The following SEL1L3 variants were observed in gnomAD, a reference collection of about 807,000 sequenced individuals.
SEL1L3 encodes protein sel-1 homolog 3.
SEL1L3 carries 76 observed loss-of-function variants against 142.8 expected under a neutral mutation model. That is an observed-to-expected ratio of 0.53 (90% CI 0.44 to 0.64). The LOEUF is 0.64. Among genes scored for constraint, SEL1L3 ranks in the 30% least tolerant of loss-of-function variants. SEL1L3 has a pLI of 0.00. For missense variants in SEL1L3, 1,262 were observed against 1,381.7 expected (o/e 0.91, Z 1.37); for synonymous variants, 504 against 519.6 (o/e 0.97, Z 0.41).
At chr4:25,809,022 G>A (rs62409278) in intron 9 of SEL1L3, among the ~76,000 whole-genome samples, 41,857 of 141,534 alleles carry the variant, frequency 0.3, 6,388 homozygotes, top group Admixed American at 0.34. Flanking sequence ...GCAGTGAGCC[G>A]AGATCGCGCC....
At chr4:25,806,097 G>A (rs2109228050) in intron 9 of SEL1L3, among the ~76,000 whole-genome samples, 1 of 145,778 alleles carries the variant, frequency 6.9e-6, no homozygotes, top group East Asian at 2.0e-4. Flanking sequence ...GGAGTGCAGT[G>A]GCGCGATCTC....
rs764659318 is a variant in SEL1L3, at chr4:25,822,100, T to G, written c.1186A>C (p.Thr396Pro). 3 of 1,613,444 alleles carry G rather than the reference T, an allele frequency of 1.9e-6. No homozygotes were observed. Among genetic ancestry groups the G allele is most frequent in the African/African-American group, 1.3e-5 (1 of 74,864 alleles). Residue 396 changes from threonine (T) to proline (P), a missense_variant, in exon 7 of 24, where the codon ACA becomes CCA. By Grantham distance (38) the Thr-to-Pro change is conservative. Around this residue, in one of 3 missense-constraint regions of SEL1L3, gnomAD observed 689 missense variants for 692.8 expected, o/e 0.99. Transcript: ENST00000399878. ...SFREDFHYNDTAGYFIIGGSR... is the reference protein window; with the variant it reads ...SFREDFHYNDPAGYFIIGGSR... ...CCTCCAATAATGAAGTACCCAGCTGTGTCATTATAATGGAAATCCTCCCGG... is the reference window on the plus strand; with the variant it reads ...CCTCCAATAATGAAGTACCCAGCTGGGTCATTATAATGGAAATCCTCCCGG...
chr4:25,784,197 C>G, intron 14 of SEL1L3, 31 bp downstream of exon 14: 1 of 1,554,546 alleles, frequency 6.4e-7, no homozygotes, highest in Non-Finnish European at 8.9e-7. Flanking sequence ...TGTGGTGGAA[C>G]TGTTTCCCTC....
At chr4:25,850,415 C>T (rs148757931) in intron 1 of SEL1L3, among the ~76,000 whole-genome samples, 1 of 152,208 alleles carries the variant, frequency 6.6e-6, no homozygotes, top group African/African-American at 2.4e-5. Context: ...ACTAGATTTG[C>T]AAAGATCAAA....
the SEL1L3 span, among the ~76,000 whole-genome samples, chr4:25,727,798 G>A: frequency 1.3e-5 from 2 of 152,166 alleles, no homozygotes; most frequent in South Asian, 4.1e-4. Context: ...TCCCAGGATG[G>A]GAGGCCAGAG....
In SEL1L3 at chr4:25,835,599, A is replaced by G. The variant is rs974657277; in HGVS notation, c.734-276T>C. On this transcript the variant is annotated intron_variant, in intron 2 of 23. Transcript: ENST00000399878. ...GCCCGAGGCTAAGTTCACAAAGTTA[A>G]TAAGTGATAGAACCACAATTCAGGT... Among the ~76,000 whole-genome samples, 8 of 152,258 alleles carry G rather than the reference A, an allele frequency of 5.3e-5. No individual in the cohort carries two copies. The East Asian group carries it at 7.7e-4, about 15-fold the overall frequency.
At chr4:25,814,940 C>G (rs1714287395) in intron 9 of SEL1L3, among the ~76,000 whole-genome samples, 1 of 152,054 alleles carries the variant, frequency 6.6e-6, no homozygotes, top group African/African-American at 2.4e-5. Flanking sequence ...AGTGTATGCC[C>G]CACCTCTGCA....
intron 5 of SEL1L3, among the ~76,000 whole-genome samples, chr4:25,830,828 C>A (rs950050351): frequency 6.6e-6 from 1 of 152,208 alleles, no homozygotes. Context: ...CCACCAGAAA[C>A]CAACCCAATT....
chr4:25,737,857 CA>C, the SEL1L3 span, among the ~76,000 whole-genome samples: 1 of 151,538 alleles, frequency 6.6e-6, no homozygotes, highest in African/African-American at 2.4e-5. Context: ...AAATAATGAT[CA>C]AAATAAGTTC....
rs58435041 is a variant in SEL1L3 at position 25,788,569 on chromosome 4, CGTGTGTGTGTGTGT to C, written c.2077-219_2077-206del. ...CCCTTAATGCAAGCCAGAAATGGTTCGTGTGTGTGTGTGTGTGTGTGTGTGTGTGTGTGTGTGTG... is the reference window on the plus strand; with the variant it reads ...CCCTTAATGCAAGCCAGAAATGGTTCGTGTGTGTGTGTGTGTGTGTGTGTG... On this transcript the variant is annotated intron_variant, in intron 12 of 23. Transcript: ENST00000399878. The surrounding 1 kb of genome is among the most constrained non-coding windows in gnomAD (Gnocchi z 5.3). Among the ~76,000 whole-genome samples the C allele has an allele frequency of 7.5e-4, 105 of 140,060 alleles. 1 individual carries two copies. In the Middle Eastern group the frequency reaches 0.014, roughly 19 times the overall value. The allele number at this position is 140,060 out of a possible 152,430, so 91.9% of individuals were successfully genotyped here. A position where few individuals can be genotyped will look rare whatever the true frequency, so the allele number is the denominator to read the frequency against.
At position 25,826,738 on chromosome 4, in the gene SEL1L3, G is replaced by A. The variant is rs537369344; in HGVS notation, c.1157+3360C>T. Reference sequence around the variant, plus strand: ...AGGGTCTCGCTCTGTCGCCCCGGCTGGAGTACAGTGGCACAATCTTGGCTC... The same window carrying A: ...AGGGTCTCGCTCTGTCGCCCCGGCTAGAGTACAGTGGCACAATCTTGGCTC... On this transcript the variant is annotated intron_variant, in intron 6 of 23. Coordinates refer to ENST00000399878, the MANE Select transcript of SEL1L3 (RefSeq NM_015187.5). Among the ~76,000 whole-genome samples the A allele has an allele frequency of 2.0e-5, 3 of 152,252 alleles. No homozygotes were observed. The South Asian group carries it at 6.2e-4, about 32-fold the overall frequency.
intron 6 of SEL1L3, among the ~76,000 whole-genome samples, chr4:25,822,344 C>A (rs188544166): frequency 2.0e-5 from 3 of 152,268 alleles, no homozygotes; most frequent in African/African-American, 7.2e-5. Flanking sequence ...AGTCACTTAA[C>A]CTCCTCTCCA....
intron 17 of SEL1L3, among the ~76,000 whole-genome samples, chr4:25,774,294 T>C (rs952727204): frequency 4.6e-5 from 7 of 152,134 alleles, no homozygotes; most frequent in Admixed American, 6.5e-5. Flanking sequence ...ATTTGAGGCA[T>C]CTCTCGAAAC....
chr4:25,773,297 G>C (rs1007243804), intron 17 of SEL1L3: 1 of 152,130 alleles, frequency 6.6e-6, no homozygotes, highest in East Asian at 1.9e-4. Flanking sequence ...GGTTACTTCT[G>C]GGTACTGGGG....
At chr4:25,818,325 T>C (rs1219348561) in intron 8 of SEL1L3, 47 bp from the exon 9 acceptor site, 6 of 1,514,608 alleles carry the variant, frequency 4.0e-6, no homozygotes, top group Non-Finnish European at 3.6e-6. Flanking sequence ...TAGCAGAAGA[T>C]AAGACTCACC....
the SEL1L3 span, among the ~76,000 whole-genome samples, chr4:25,721,299 A>G: frequency 6.6e-6 from 1 of 152,038 alleles, no homozygotes; most frequent in African/African-American, 2.4e-5. Context: ...GTGCGGATTA[A>G]CCCAGCTGTA....
chr4:25,717,244 T>C, the SEL1L3 span, among the ~76,000 whole-genome samples: 2 of 152,340 alleles, frequency 1.3e-5, no homozygotes, highest in African/African-American at 4.8e-5. Flanking sequence ...TGGTTACCTC[T>C]GGGCATAGAG....
the SEL1L3 span, among the ~76,000 whole-genome samples, chr4:25,715,396 T>TATCG: frequency 6.6e-6 from 1 of 152,138 alleles, no homozygotes; most frequent in African/African-American, 2.4e-5. Context: ...ATTTTTCACC[T>TATCG]ATCGGGTTGG....
At chr4:25,798,782 C>A (rs965196213) in intron 11 of SEL1L3, among the ~76,000 whole-genome samples, 1 of 151,886 alleles carries the variant, frequency 6.6e-6, no homozygotes, top group Non-Finnish European at 1.5e-5. Flanking sequence ...GAGCTGAGAT[C>A]GTGCCACTGC....
Sources: allele counts gnomAD v4.1 joint callset (sites outside exome capture counted in the v4.1 genomes callset), GRCh38; gene constraint gnomAD v4.1.1; regional missense constraint gnomAD v4.1.1; non-coding constraint Gnocchi (gnomAD v3.1); transcripts MANE v1.5; gene names NCBI Gene and HGNC (gene_info 2026-07-23, HGNC 2026-07-21).